The following ATL2 variants were observed in gnomAD, a reference collection of about 807,000 sequenced individuals.
The protein encoded by ATL2 is atlastin GTPase 2, also known as atlastin-2.
Under a neutral mutation model 73.9 loss-of-function variants are expected in ATL2, and 31 were observed. The observed-to-expected ratio is 0.42, with a 90% CI of 0.32 to 0.57. The LOEUF (loss-of-function observed/expected upper bound fraction) is 0.57, where lower values mean the gene tolerates loss of function less well. Among genes scored for constraint, ATL2 ranks in the 20% least tolerant of loss-of-function variants. The probability of loss-of-function intolerance (pLI) is 0.14; values close to 1 mark genes in which losing one functional copy is unlikely to be tolerated. For synonymous variants in ATL2, 291 were observed against 237.5 expected (o/e 1.23, Z -2.07); for missense variants, 738 against 702.6 (o/e 1.05, Z -0.57).
intron 12 of ATL2, among the ~76,000 whole-genome samples, chr2:38,296,934 T>C (rs779509827): frequency 5.9e-5 from 9 of 152,238 alleles, no homozygotes; most frequent in Non-Finnish European, 8.8e-5. Context: ...TTGAAAATTA[T>C]ATTGCAGAAA....
chr2:38,348,795 G>T (rs982683917), intron 1 of ATL2, among the ~76,000 whole-genome samples: 2 of 151,880 alleles, frequency 1.3e-5, no homozygotes, highest in Admixed American at 1.3e-4. Context: ...CTAATATCCA[G>T]AATCTACAAT....
chr2:38,352,385 G>A (rs142901836), intron 1 of ATL2, among the ~76,000 whole-genome samples: 109 of 152,208 alleles, frequency 7.2e-4, no homozygotes, highest in Admixed American at 1.4e-3. Context: ...GTAGCACAAG[G>A]ACACTTTCAA....
intron 1 of ATL2, among the ~76,000 whole-genome samples, chr2:38,365,359 T>C (rs1671260439): frequency 6.6e-6 from 1 of 151,790 alleles, no homozygotes; most frequent in Admixed American, 6.6e-5. Flanking sequence ...CAGCAGCAGT[T>C]TAAAAAAAGA....
chr2:38,314,806 G>T (rs1471303129), intron 5 of ATL2, 142 bp from the exon 6 acceptor site: 4 of 566,344 alleles, frequency 7.1e-6, no homozygotes, highest in Non-Finnish European at 9.3e-6. Context: ...AACACACTAG[G>T]TATGTACAAA....
chr2:38,367,941 C>CTTT (rs1044102346), intron 1 of ATL2, among the ~76,000 whole-genome samples: 2 of 135,900 alleles, frequency 1.5e-5, no homozygotes, highest in Non-Finnish European at 1.6e-5. Flanking sequence ...CCTAAAACAA[C>CTTT]TTTTTTTTTT....
chr2:38,296,043 G>A lies in ATL2; in HGVS notation c.1703C>T (p.Ala568Val). The stretch of plus-strand genomic sequence containing the variant: ...ATGAGACACCTGGTCAGTCAGGCCT[G>A]CTTTGATAGAGTTTGTTACAGACTG... ...IRQSVTNSIK[A>V]GLTDQVSHHA... is the part of the protein sequence containing the mutation. The change falls in exon 13 of 13, where the codon GCA (alanine) becomes GTA (valine). Residue 568 changes from alanine (A) to valine (V), a missense_variant. Transcript: ENST00000378954. 1 of 1,551,780 alleles carries A rather than the reference G, an allele frequency of 6.4e-7. No individual in the cohort carries two copies. Among genetic ancestry groups the A allele is most frequent in the South Asian group, 1.2e-5 (1 of 84,056 alleles).
chr2:38,369,900 C>T (rs986922927), intron 1 of ATL2, among the ~76,000 whole-genome samples: 3 of 150,088 alleles, frequency 2.0e-5, no homozygotes, highest in African/African-American at 7.4e-5. Context: ...GCCAGTAATC[C>T]CAGCACTTTG....
chr2:38,334,921 T>C (rs1174707528), intron 2 of ATL2, among the ~76,000 whole-genome samples: 1 of 132,884 alleles, frequency 7.5e-6, no homozygotes, highest in Non-Finnish European at 1.5e-5. Context: ...TATAAATATA[T>C]TTATATATTA....
chr2:38,314,475 A>G (rs896484819), intron 6 of ATL2, 133 bp downstream of exon 6: 1 of 595,210 alleles, frequency 1.7e-6, no homozygotes, highest in Non-Finnish European at 3.0e-6. Context: ...ACCAAAGGTT[A>G]GTTTCGATTG....
upstream of ATL2, among the ~76,000 whole-genome samples, chr2:38,377,688 C>T (rs371831269): frequency 3.3e-5 from 5 of 152,170 alleles, no homozygotes; most frequent in South Asian, 2.1e-4. Flanking sequence ...TTGATTCGTG[C>T]GTCCTGCACG....
intron 2 of ATL2, among the ~76,000 whole-genome samples, chr2:38,330,707 A>C (rs1668937256): frequency 6.6e-6 from 1 of 152,244 alleles, no homozygotes; most frequent in Non-Finnish European, 1.5e-5. Flanking sequence ...TTATACTCAA[A>C]AACTATAAAA....
chr2:38,377,115 C>G, intron 1 of ATL2, 28 bp downstream of exon 1: 7 of 1,600,768 alleles, frequency 4.4e-6, no homozygotes, highest in Non-Finnish European at 6.0e-6. Context: ...CATCAGGGCC[C>G]CGCGGCCTCT....
At chr2:38,335,998 A>C (rs960502316) in intron 2 of ATL2, among the ~76,000 whole-genome samples, 1 of 152,252 alleles carries the variant, frequency 6.6e-6, no homozygotes, top group Admixed American at 6.5e-5. Context: ...CCTGGGCGCC[A>C]CAGCGAGACT....
rs983313518 is a variant in ATL2, at chr2:38,323,359, T to G, written c.364-4340A>C. On this transcript the variant is annotated intron_variant, in intron 2 of 12. Coordinates refer to ENST00000378954, the MANE Select transcript of ATL2 (RefSeq NM_001135673.4). ...CTGAAATCACCAGAAGTTTTTTTTTTTTTTTTTTTTTTTTTTGAGATGGGG... is the reference window on the plus strand; with the variant it reads ...CTGAAATCACCAGAAGTTTTTTTTTGTTTTTTTTTTTTTTTTGAGATGGGG... Among the ~76,000 whole-genome samples, 32 of 138,732 alleles carry G rather than the reference T, an allele frequency of 2.3e-4. 1 individual carries two copies. The highest frequency in any genetic ancestry group is 7.8e-4 in the African/African-American group (29 of 37,046). 91.0% of individuals were successfully genotyped at this position (138,732 alleles called of 152,430 possible).
intron 12 of ATL2, among the ~76,000 whole-genome samples, chr2:38,297,756 T>C (rs560572593): frequency 6.6e-6 from 1 of 152,224 alleles, no homozygotes; most frequent in African/African-American, 2.4e-5. Context: ...TGCTTGCCAA[T>C]ATTAGGAAGA....
At chr2:38,319,783 T>G (rs1267672805) in intron 2 of ATL2, among the ~76,000 whole-genome samples, 2 of 152,152 alleles carry the variant, frequency 1.3e-5, no homozygotes, top group Non-Finnish European at 2.9e-5. Flanking sequence ...ACAGTAAGTT[T>G]TCATACTGCC....
chr2:38,352,094 G>A, intron 1 of ATL2, among the ~76,000 whole-genome samples: 1 of 108,398 alleles, frequency 9.2e-6, no homozygotes, highest in Middle Eastern at 8.8e-3. Context: ...CTGGGCGACA[G>A]AGCAAAACTC....
intron 1 of ATL2, among the ~76,000 whole-genome samples, chr2:38,368,961 A>G (rs954346155): frequency 6.6e-6 from 1 of 152,142 alleles, no homozygotes; most frequent in Non-Finnish European, 1.5e-5. Context: ...TTCAATTTCC[A>G]TATCACTATT....
intron 2 of ATL2, among the ~76,000 whole-genome samples, chr2:38,337,080 A>C (rs1311028777): frequency 6.6e-6 from 1 of 152,178 alleles, no homozygotes; most frequent in Non-Finnish European, 1.5e-5. Flanking sequence ...TTCAACAAAT[A>C]AATTGCCAAG....
Sources: allele counts gnomAD v4.1 joint callset (sites outside exome capture counted in the v4.1 genomes callset), GRCh38; gene constraint gnomAD v4.1.1; transcripts MANE v1.5; gene names NCBI Gene and HGNC (gene_info 2026-07-23, HGNC 2026-07-21).